The following DOCK11 variants were observed in gnomAD, a reference collection of about 807,000 sequenced individuals.
DOCK11 encodes dedicator of cytokinesis protein 11.
A neutral mutation model predicts 169.1 loss-of-function variants in DOCK11; 70 were observed. The observed-to-expected ratio is 0.41, with a 90% CI of 0.34 to 0.51. The LOEUF (loss-of-function observed/expected upper bound fraction) is 0.51. Ranked by LOEUF, DOCK11 falls within the 20% of genes least tolerant of loss-of-function variation. DOCK11 has a pLI of 0.10. For missense variants in DOCK11, 1,166 were observed against 1,538.8 expected (o/e 0.76, Z 4.05); for synonymous variants, 529 against 541.3 (o/e 0.98, Z 0.32).
intron 1 of DOCK11, among the ~76,000 whole-genome samples, chrX:118,537,549 A>T (rs2011802243): frequency 8.9e-6 from 1 of 112,527 alleles, no homozygotes; most frequent in Non-Finnish European, 1.9e-5. Flanking sequence ...TAATGATAAC[A>T]TAAATATGCC....
At chrX:118,614,588 C>A (rs1013039152) in intron 28 of DOCK11, 104 bp from the exon 29 acceptor site, 3 of 592,419 alleles carry the variant, frequency 5.1e-6, no homozygotes, top group Non-Finnish European at 8.1e-6. Flanking sequence ...AAATGTCTTT[C>A]TTTTTGTGTG....
intron 51 of DOCK11, among the ~76,000 whole-genome samples, chrX:118,682,199 T>C (rs1569449140): frequency 9.1e-6 from 1 of 110,215 alleles, no homozygotes; most frequent in African/African-American, 3.3e-5. Flanking sequence ...TGTCCTTACT[T>C]CTACTTGGAC....
chrX:118,656,902 A>C (rs1239780693), intron 44 of DOCK11, among the ~76,000 whole-genome samples: 1 of 111,808 alleles, frequency 8.9e-6, no homozygotes, highest in Non-Finnish European at 1.9e-5. Context: ...ACTGCACTCC[A>C]GCCTGGGCAA....
At chrX:118,545,448 G>A in intron 5 of DOCK11, 56 bp downstream of exon 5, 7 of 876,489 alleles carry the variant, frequency 8.0e-6, no homozygotes, top group Non-Finnish European at 1.1e-5. Context: ...CGGTCACTTT[G>A]CTGAAAAAGA....
chrX:118,623,067 A>T (rs1329144138), intron 31 of DOCK11, among the ~76,000 whole-genome samples: 1 of 111,496 alleles, frequency 9.0e-6, no homozygotes, highest in African/African-American at 3.3e-5. Context: ...AAGGGACAAA[A>T]ATTAGCCAGG....
intron 50 of DOCK11, 89 bp downstream of exon 50, chrX:118,681,337 G>A (rs1476245169): frequency 3.3e-6 from 3 of 900,657 alleles, no homozygotes; most frequent in Admixed American, 8.0e-5. Context: ...TTGTAATTAT[G>A]TGTTGGGCAC....
At position 118,667,644 on chromosome X, in the gene DOCK11, C is replaced by T. The variant is rs188527745; in HGVS notation, c.5077-3379C>T. ...CTTGAAATCAAGTAGTGTTAGCCCT[C>T]CAGCTTTATTCTTTTTCAAAGTTGT... On this transcript the variant is annotated intron_variant, in intron 45 of 52. Coordinates refer to ENST00000276202, the MANE Select transcript of DOCK11 (RefSeq NM_144658.4). 3.5e-4 allele frequency among the ~76,000 whole-genome samples: 39 copies of T among 111,094 alleles called. 1 individual carries two copies. In the East Asian group the frequency reaches 0.01, roughly 30 times the overall value.
intron 1 of DOCK11, among the ~76,000 whole-genome samples, chrX:118,540,230 G>A (rs1263996731): frequency 4.5e-5 from 5 of 110,737 alleles, no homozygotes; most frequent in Non-Finnish European, 9.4e-5. Flanking sequence ...TTTGCAATCT[G>A]TACTAGGAAA....
intron 1 of DOCK11, among the ~76,000 whole-genome samples, chrX:118,518,146 A>G (rs1345611291): frequency 4.5e-5 from 5 of 112,158 alleles, no homozygotes; most frequent in African/African-American, 1.6e-4. Flanking sequence ...TTGTTCTTTT[A>G]TTTAAAATAA....
intron 19 of DOCK11, among the ~76,000 whole-genome samples, chrX:118,592,403 A>C (rs1202047240): frequency 1.9e-5 from 2 of 107,603 alleles, no homozygotes; most frequent in Admixed American, 2.0e-4. Flanking sequence ...GCATTTTTTC[A>C]TGTGTTTTTT....
At chrX:118,657,209 G>C (rs1199728616) in intron 44 of DOCK11, among the ~76,000 whole-genome samples, 3 of 110,824 alleles carry the variant, frequency 2.7e-5, no homozygotes, top group Admixed American at 9.7e-5. Flanking sequence ...TACATTTCAG[G>C]AAGTGGAAAT....
At chrX:118,656,847 G>A (rs1229115717) in intron 44 of DOCK11, among the ~76,000 whole-genome samples, 1 of 110,839 alleles carries the variant, frequency 9.0e-6, no homozygotes, top group African/African-American at 3.3e-5. Flanking sequence ...AGGCAGGAGC[G>A]CTTGAACCCA....
At chrX:118,609,490 C>T in intron 27 of DOCK11, 141 bp downstream of exon 27, 1 of 432,236 alleles carries the variant, frequency 2.3e-6, no homozygotes, top group Non-Finnish European at 3.8e-6. Context: ...TATTTAAAGG[C>T]TGCTAGTGCT....
At chrX:118,584,964 G>C (rs972153832) in intron 15 of DOCK11, 77 bp from the exon 16 acceptor site, 47 of 1,141,131 alleles carry the variant, frequency 4.1e-5, no homozygotes, top group Non-Finnish European at 5.1e-5. Flanking sequence ...GATTAAAATT[G>C]TAAGTTTGGA....
In DOCK11 at chrX:118,588,086, T is replaced by G. The variant is rs1221373652; in HGVS notation, c.1796-51T>G. 5 of 978,275 alleles carry G rather than the reference T, an allele frequency of 5.1e-6. No homozygotes were observed. In the Admixed American group the frequency reaches 1.7e-4, roughly 34 times the overall value. 80.6% of individuals were successfully genotyped at this position (978,275 alleles called of 1,213,427 possible). A position where few individuals can be genotyped will look rare whatever the true frequency, so the allele number is the denominator to read the frequency against. ...TATTTTTTATACATGCAGGAATGTG[T>G]TAATGATTATTAAACTGAATGATCT... On this transcript the variant is annotated intron_variant, in intron 16 of 52. Transcript: ENST00000276202.
intron 28 of DOCK11, 31 bp downstream of exon 28, chrX:118,610,449 G>C: frequency 8.4e-7 from 1 of 1,193,837 alleles, no homozygotes; most frequent in Non-Finnish European, 1.1e-6. Context: ...ATGTGGTAAG[G>C]AACTCCTCTT....
intron 13 of DOCK11, among the ~76,000 whole-genome samples, chrX:118,579,566 G>A (rs989021395): frequency 3.6e-5 from 4 of 111,778 alleles, no homozygotes; most frequent in African/African-American, 1.3e-4. Flanking sequence ...GTATCCCTAG[G>A]GATAAGCATC....
At chrX:118,504,802 G>C (rs923997594) in intron 1 of DOCK11, among the ~76,000 whole-genome samples, 2 of 111,581 alleles carry the variant, frequency 1.8e-5, no homozygotes, top group Non-Finnish European at 3.8e-5. Context: ...CACCCTGGAC[G>C]CTCCCAGAGC....
chrX:118,632,711 C>T (rs1220645217), intron 35 of DOCK11: 1 of 110,326 alleles, frequency 9.1e-6, no homozygotes, highest in Non-Finnish European at 1.9e-5. Context: ...TATCTCTACA[C>T]TTTTATATGG....
Sources: allele counts gnomAD v4.1 joint callset (sites outside exome capture counted in the v4.1 genomes callset), GRCh38; gene constraint gnomAD v4.1.1; transcripts MANE v1.5; gene names NCBI Gene and HGNC (gene_info 2026-07-23, HGNC 2026-07-21).